Variants in SLF1 observed in about 807,000 individuals in gnomAD.
SLF1 encodes the protein SMC5-SMC6 complex localization factor protein 1.
Under a neutral mutation model 123.0 loss-of-function variants are expected in SLF1, and 105 were observed. The observed-to-expected ratio is 0.85, with a 90% CI of 0.73 to 1.00. SLF1 has a LOEUF of 1.00. Among genes scored for constraint, SLF1 ranks in the 50% least tolerant of loss-of-function variants. The pLI is 0.00. For synonymous variants in SLF1, 434 were observed against 406.6 expected, an observed-to-expected ratio of 1.07 and a Z score of -0.81; for missense variants, 1,239 against 1,223.0, an observed-to-expected ratio of 1.01 and a Z score of -0.20.
At chr5:94,694,048 C>T (rs1322301836) in intron 20 of SLF1, among the ~76,000 whole-genome samples, 1 of 151,764 alleles carries the variant, frequency 6.6e-6, no homozygotes, top group Non-Finnish European at 1.5e-5. Context: ...GTACTAAAAT[C>T]TTTATATCCC....
rs1753118616 is a variant in SLF1 at position 94,692,235 on chromosome 5, AAGCTGCTACTAC to A, written c.2678_2689del (p.Leu893_Gln896del). 9 of 1,613,554 alleles carry A rather than the reference AAGCTGCTACTAC, an allele frequency of 5.6e-6. No individual in the cohort carries two copies. Among genetic ancestry groups the A allele is most frequent in the Non-Finnish European group, 7.6e-6 (9 of 1,179,692 alleles). On this transcript the variant is annotated inframe_deletion, in exon 20 of 21. Transcript: ENST00000265140. Reference sequence around the variant, plus strand: ...GTCAAACGGACATGTAGAAATTGGCAAGCTGCTACTACAGCATGGGGGTGAGTGTGTTTATGC... The same window carrying A: ...GTCAAACGGACATGTAGAAATTGGCAAGCATGGGGGTGAGTGTGTTTATGC...
chr5:94,633,555 G>A (rs755240504), intron 4 of SLF1, among the ~76,000 whole-genome samples: 1 of 152,080 alleles, frequency 6.6e-6, no homozygotes, highest in Non-Finnish European at 1.5e-5. Flanking sequence ...GCATTTACTG[G>A]ATGTACTAGC....
intron 15 of SLF1, among the ~76,000 whole-genome samples, chr5:94,682,425 A>G (rs968260068): frequency 6.6e-6 from 1 of 152,070 alleles, no homozygotes; most frequent in Non-Finnish European, 1.5e-5. Context: ...TGCTTTTCCC[A>G]AGTCATTAGT....
intron 14 of SLF1, among the ~76,000 whole-genome samples, chr5:94,675,656 A>G (rs138375292): frequency 2.0e-5 from 3 of 152,278 alleles, no homozygotes; most frequent in South Asian, 4.1e-4. Flanking sequence ...AAAACTTACT[A>G]TTATGGCTAT....
At chr5:94,680,372 G>A (rs1160356836) in intron 15 of SLF1, among the ~76,000 whole-genome samples, 1 of 152,118 alleles carries the variant, frequency 6.6e-6, no homozygotes, top group African/African-American at 2.4e-5. Context: ...TTTGTTGCAT[G>A]ACTTTAACAT....
In SLF1 at chr5:94,653,079, A is replaced by G. The variant is rs932353242; in HGVS notation, c.883-193A>G. On this transcript the variant is annotated intron_variant, in intron 7 of 20. Transcript: ENST00000265140. Reference sequence around the variant, plus strand: ...TCCATGTTGGTCAGGCTGGTCTCTAACTCCCGACCTCAGGTGATCCGCCCG... The same window carrying G: ...TCCATGTTGGTCAGGCTGGTCTCTAGCTCCCGACCTCAGGTGATCCGCCCG... 4.6e-5 allele frequency among the ~76,000 whole-genome samples: 7 copies of G among 151,850 alleles called. No individual in the cohort carries two copies. In the East Asian group the frequency reaches 1.4e-3, roughly 29 times the overall value.
intron 1 of SLF1, among the ~76,000 whole-genome samples, chr5:94,625,556 G>A (rs1320082395): frequency 1.3e-5 from 2 of 151,676 alleles, no homozygotes; most frequent in African/African-American, 4.8e-5. Context: ...GCTAATTTTT[G>A]TATTTTAGTA....
intron 6 of SLF1, among the ~76,000 whole-genome samples, chr5:94,651,390 A>T (rs1747703653): frequency 6.6e-6 from 1 of 152,184 alleles, no homozygotes; most frequent in South Asian, 2.1e-4. Context: ...AAGTAGAAAT[A>T]TCCTTTTTTA....
chr5:94,650,361 CATTT>C (rs1234578451), intron 6 of SLF1, among the ~76,000 whole-genome samples: 2 of 106,840 alleles, frequency 1.9e-5, no homozygotes, highest in Non-Finnish European at 3.5e-5. Flanking sequence ...TAATTTGGAA[CATTT>C]TTTTTTTTTT....
At position 94,691,937 on chromosome 5, in the gene SLF1, G is replaced by A. The variant is rs868267460; in HGVS notation, c.2513-137G>A. 1.8e-4 allele frequency: 139 copies of A among 759,746 alleles called. 2 individuals are homozygous for A. Among genetic ancestry groups the A allele is most frequent in the Middle Eastern group, 4.0e-4 (1 of 2,520 alleles). The allele number at this position is 759,746 out of a possible 1,614,324, so 47.1% of individuals were successfully genotyped here. A position where few individuals can be genotyped will look rare whatever the true frequency, so the allele number is the denominator to read the frequency against. Reference sequence around the variant, plus strand: ...AAGGTAGAAATATGATTACACCCTAGACATTTTTATCACAGCATTCTTTTT... The same window carrying A: ...AAGGTAGAAATATGATTACACCCTAAACATTTTTATCACAGCATTCTTTTT... On this transcript the variant is annotated intron_variant, in intron 19 of 20. Coordinates refer to ENST00000265140, the MANE Select transcript of SLF1 (RefSeq NM_032290.4).
chr5:94,629,102 A>G lies in SLF1; in HGVS notation c.125A>G (p.Asn42Ser), dbSNP rs1744928387. ...GATTTTTCCCTCCAGAAATACAAAA[A>G]TTGTACACATCTTATAGCTGAACGC... ...CTFIKSEKYK[N>S]CTHLIAERLC... The change falls in exon 3 of 21, where the codon AAT becomes AGT. Residue 42 changes from asparagine to serine, a missense_variant. Asn to Ser is a conservative substitution (Grantham distance 46). Coordinates refer to ENST00000265140, the MANE Select transcript of SLF1 (RefSeq NM_032290.4). 1 of 1,541,036 alleles carries G rather than the reference A, an allele frequency of 6.5e-7. No individual in the cohort carries two copies.
rs1362964454 is a variant in SLF1, at chr5:94,639,094, G to T, written c.432-4179G>T. Among the ~76,000 whole-genome samples the T allele has an allele frequency of 4.1e-4, 55 of 133,038 alleles. No homozygotes were observed. The Admixed American group carries it at 4.5e-3, about 11-fold the overall frequency. The allele number at this position is 133,038 out of a possible 152,430, so 87.3% of individuals were successfully genotyped here. On this transcript the variant is annotated intron_variant, in intron 4 of 20. Coordinates refer to ENST00000265140, the MANE Select transcript of SLF1 (RefSeq NM_032290.4). ...CTGGCTCTGTTGCTCAGGCTGGAGTGCAGTGGCACCATCTTGGCTCACTGC... is the reference window on the plus strand; with the variant it reads ...CTGGCTCTGTTGCTCAGGCTGGAGTTCAGTGGCACCATCTTGGCTCACTGC...
chr5:94,621,270 CAGAA>C (rs1791760659), intron 1 of SLF1, among the ~76,000 whole-genome samples: 1 of 152,128 alleles, frequency 6.6e-6, no homozygotes, highest in Non-Finnish European at 1.5e-5. Context: ...ACAGTTTTTG[CAGAA>C]AGACTTATAT....
At chr5:94,619,137 C>G (rs925113979) in intron 1 of SLF1, among the ~76,000 whole-genome samples, 19 of 152,128 alleles carry the variant, frequency 1.2e-4, no homozygotes, top group African/African-American at 4.6e-4. Context: ...CCGCGTCTCT[C>G]GTTTCCATAG....
chr5:94,651,808 T>G lies in SLF1; in HGVS notation c.845T>G (p.Met282Arg), dbSNP rs749970063. 9.3e-6 allele frequency: 14 copies of G among 1,500,778 alleles called. No individual in the cohort carries two copies. Among genetic ancestry groups the G allele is most frequent in the Non-Finnish European group, 1.2e-5 (13 of 1,115,546 alleles). The allele number at this position is 1,500,778 out of a possible 1,614,324, so 93.0% of individuals were successfully genotyped here. A position where few individuals can be genotyped will look rare whatever the true frequency, so the allele number is the denominator to read the frequency against. The stretch of plus-strand genomic sequence containing the variant: ...AGTAAAGATTTGAAATTTGTTAAAA[T>G]GAGAAATACCTTTGGAAGCCATACA... ...GSSKDLKFVK[M>R]RNTFGSHTYE... Residue 282 changes from methionine (M) to arginine (R), a missense_variant, in exon 7 of 21, where the codon ATG becomes AGG. Met to Arg is a moderately conservative substitution (Grantham distance 91, BLOSUM62 -1). Coordinates refer to ENST00000265140, the MANE Select transcript of SLF1 (RefSeq NM_032290.4).
At position 94,687,228 on chromosome 5, in the gene SLF1, G is replaced by T. The variant is rs186949964; in HGVS notation, c.2121+510G>T. ...AGTGCCTGTAGGTGAGTGCCTGCAG[G>T]TGAGTGCCTGTAGTTCCAGCTACTC... On this transcript the variant is annotated intron_variant, in intron 16 of 20. Transcript: ENST00000265140. 1.5e-3 allele frequency among the ~76,000 whole-genome samples: 229 copies of T among 152,044 alleles called. 3 individuals are homozygous for T. The highest frequency in any genetic ancestry group is 2.2e-4 in the Non-Finnish European group (15 of 68,024).
intron 7 of SLF1, 106 bp downstream of exon 7, chr5:94,651,951 A>G (rs2101898): frequency 0.029 from 14,032 of 487,050 alleles, 738 homozygotes; most frequent in East Asian, 0.21. Flanking sequence ...TATGTATCCA[A>G]TAGCTAGATT....
At chr5:94,633,988 C>T (rs1213027635) in intron 4 of SLF1, among the ~76,000 whole-genome samples, 1 of 152,146 alleles carries the variant, frequency 6.6e-6, no homozygotes, top group African/African-American at 2.4e-5. Flanking sequence ...GCTTTATCCA[C>T]ATCCCACAAA....
chr5:94,643,585 C>T, intron 5 of SLF1, 150 bp downstream of exon 5: 1 of 536,634 alleles, frequency 1.9e-6, no homozygotes, highest in South Asian at 4.0e-5. Context: ...GGCAGTGGCT[C>T]TCAATTACTT....
Sources: allele counts gnomAD v4.1 joint callset (sites outside exome capture counted in the v4.1 genomes callset), GRCh38; gene constraint gnomAD v4.1.1; transcripts MANE v1.5; gene names NCBI Gene and HGNC (gene_info 2026-07-23, HGNC 2026-07-21).